ARMC8: variants seen among roughly 807,000 people sequenced by gnomAD.
The protein encoded by ARMC8 is armadillo repeat containing 8.
In ARMC8, 20 loss-of-function variants were observed where a neutral mutation model predicts 99.3. The observed-to-expected ratio is 0.20, with a 90% CI of 0.14 to 0.29. The LOEUF (loss-of-function observed/expected upper bound fraction) is 0.29, where lower values mean the gene tolerates loss of function less well. Ranked by LOEUF, ARMC8 falls within the 10% of genes least tolerant of loss-of-function variation. The probability of loss-of-function intolerance (pLI) is 1.00; values close to 1 mark genes in which losing one functional copy is unlikely to be tolerated. For synonymous variants in ARMC8, 263 were observed against 278.3 expected, an observed-to-expected ratio of 0.95 and a Z score of 0.55; for missense variants, 569 against 809.5, an observed-to-expected ratio of 0.70 and a Z score of 3.60.
At chr3:138,188,302 G>T (rs985830461) in intron 1 of ARMC8, 1 of 1,040,662 alleles carries the variant, frequency 9.6e-7, no homozygotes, top group Non-Finnish European at 1.3e-6. Context: ...AACATTGAAG[G>T]GGGGAAAAGG....
chr3:138,241,554 T>C (rs947919078), intron 10 of ARMC8, among the ~76,000 whole-genome samples: 1 of 152,222 alleles, frequency 6.6e-6, no homozygotes, highest in African/African-American at 2.4e-5. Flanking sequence ...TGTATTAATA[T>C]ACTTTGACGT....
At chr3:138,229,583 A>T (rs887057460) in intron 6 of ARMC8, among the ~76,000 whole-genome samples, 1 of 152,136 alleles carries the variant, frequency 6.6e-6, no homozygotes, top group Non-Finnish European at 1.5e-5. Context: ...ATGTGTGATC[A>T]TGACTGTTTC....
In ARMC8 at chr3:138,187,302, C is replaced by T; in HGVS notation, c.-253C>T. ...TTGCGCATGCGGAAACCGCTGCCCGCTTCCACCTCTAACCCAGGCTCAGAG... is the reference window on the plus strand; with the variant it reads ...TTGCGCATGCGGAAACCGCTGCCCGTTTCCACCTCTAACCCAGGCTCAGAG... On this transcript the variant is annotated 5_prime_UTR_variant, in exon 1 of 22. Coordinates refer to ENST00000469044, the MANE Select transcript of ARMC8 (RefSeq NM_001363941.2). 2.3e-6 allele frequency: 1 copy of T among 436,606 alleles called. No homozygotes were observed. Among genetic ancestry groups the T allele is most frequent in the Non-Finnish European group, 4.1e-6 (1 of 245,260 alleles). 27.0% of individuals were successfully genotyped at this position (436,606 alleles called of 1,614,324 possible). A position where few individuals can be genotyped will look rare whatever the true frequency, so the allele number is the denominator to read the frequency against.
chr3:138,197,909 G>A lies in ARMC8; in HGVS notation c.45+10310G>A, dbSNP rs565284536. Among the ~76,000 whole-genome samples the A allele has an allele frequency of 5.9e-5, 9 of 152,290 alleles. No homozygotes were observed. In the South Asian group the frequency reaches 1.9e-3, roughly 32 times the overall value. On this transcript the variant is annotated intron_variant, in intron 1 of 21. Transcript: ENST00000469044. ...TTATGATTTATACCATATTTTAAAA[G>A]GGAAAACATCATAGTACTTGATTAG... is the stretch of plus-strand genomic sequence containing the variant.
At position 138,272,990 on chromosome 3, in the gene ARMC8, A is replaced by G. The variant is rs1306239155; in HGVS notation, c.1503A>G (p.Gln501=). The G allele has an allele frequency of 1.9e-6, 3 of 1,605,236 alleles. No homozygotes were observed. Among genetic ancestry groups the G allele is most frequent in the Non-Finnish European group, 2.6e-6 (3 of 1,176,294 alleles). ...AGAATATGGCATTTCAGGCTGAACA[A>G]AAAATAAAAGCAGATATTTTACGAA... The part of the protein sequence containing the change: ...ALMNMAFQAE[Q]KIKADILRSL... Residue 501 remains glutamine (Q), a synonymous_variant, in exon 17 of 22, where the codon CAA becomes CAG. Coordinates refer to ENST00000469044, the MANE Select transcript of ARMC8 (RefSeq NM_001363941.2).
intron 12 of ARMC8, among the ~76,000 whole-genome samples, chr3:138,257,567 C>T (rs1169255238): frequency 1.3e-5 from 2 of 152,090 alleles, no homozygotes; most frequent in East Asian, 1.9e-4. Context: ...GCCTTCTTAC[C>T]TCATGGCCCT....
chr3:138,288,984 C>CAA, intron 19 of ARMC8, 64 bp from the exon 20 acceptor site: 3 of 1,353,072 alleles, frequency 2.2e-6, no homozygotes, highest in East Asian at 2.5e-5. Context: ...TAGGTCCCCC[C>CAA]AAAAAAAAAT....
intron 21 of ARMC8, among the ~76,000 whole-genome samples, chr3:138,294,630 T>G (rs1252132009): frequency 2.0e-5 from 3 of 152,186 alleles, no homozygotes; most frequent in Non-Finnish European, 4.4e-5. Context: ...GTATGCATAG[T>G]CTACTTGGTA....
intron 15 of ARMC8, among the ~76,000 whole-genome samples, chr3:138,268,229 G>A (rs1429186337): frequency 1.3e-5 from 2 of 151,822 alleles, no homozygotes; most frequent in African/African-American, 4.8e-5. Flanking sequence ...GGCAAAAGAG[G>A]GAGACTCCAT....
intron 16 of ARMC8, among the ~76,000 whole-genome samples, chr3:138,271,798 C>CTTTCTTTTTTTTTTT (rs1018824241): frequency 1.5e-4 from 20 of 136,132 alleles, no homozygotes; most frequent in African/African-American, 5.7e-4. Flanking sequence ...TTTTTTCTTT[C>CTTTCTTTTTTTTTTT]TTTTTTTTTT....
intron 6 of ARMC8, among the ~76,000 whole-genome samples, chr3:138,232,886 G>A (rs1166180397): frequency 6.6e-6 from 1 of 152,204 alleles, no homozygotes; most frequent in Non-Finnish European, 1.5e-5. Context: ...GGCTGAGGCA[G>A]CACCCTGCCT....
intron 1 of ARMC8, among the ~76,000 whole-genome samples, chr3:138,207,235 A>T (rs1461937924): frequency 6.6e-6 from 1 of 152,210 alleles, no homozygotes; most frequent in African/African-American, 2.4e-5. Context: ...CTGGTTTACA[A>T]ATGTCCTCCT....
At chr3:138,266,726 G>T (rs1047858344) in intron 14 of ARMC8, among the ~76,000 whole-genome samples, 1 of 152,088 alleles carries the variant, frequency 6.6e-6, no homozygotes, top group African/African-American at 2.4e-5. Context: ...TGCTTGATTC[G>T]TCAGTGCTCC....
At chr3:138,279,693 T>C (rs1390562988) in intron 18 of ARMC8, among the ~76,000 whole-genome samples, 1 of 152,216 alleles carries the variant, frequency 6.6e-6, no homozygotes, top group Admixed American at 6.5e-5. Context: ...GAAAGGTGTT[T>C]AACTACAAAT....
At position 138,262,710 on chromosome 3, in the gene ARMC8, C is replaced by T. The variant is rs1430202698; in HGVS notation, c.1135-1029C>T. 6.0e-6 allele frequency: 6 copies of T among 1,000,302 alleles called. No individual in the cohort carries two copies. In the Admixed American group the frequency reaches 9.8e-5, roughly 16 times the overall value. The allele number at this position is 1,000,302 out of a possible 1,614,324, so 62.0% of individuals were successfully genotyped here. A position where few individuals can be genotyped will look rare whatever the true frequency, so the allele number is the denominator to read the frequency against. On this transcript the variant is annotated intron_variant, in intron 12 of 21. Coordinates refer to ENST00000469044, the MANE Select transcript of ARMC8 (RefSeq NM_001363941.2). ...AAAAAAAAAATCTCCCCAGGTAATTCTTCTGCAAGGACAACCAAGGTTAAG... is the reference window on the plus strand; with the variant it reads ...AAAAAAAAAATCTCCCCAGGTAATTTTTCTGCAAGGACAACCAAGGTTAAG...
At chr3:138,225,191 C>T (rs374835814) in intron 5 of ARMC8, among the ~76,000 whole-genome samples, 1 of 150,974 alleles carries the variant, frequency 6.6e-6, no homozygotes. Flanking sequence ...CTGCAACCTC[C>T]GCCTCCTGAG....
intron 8 of ARMC8, 49 bp downstream of exon 8, chr3:138,237,433 T>C: frequency 6.2e-7 from 1 of 1,611,288 alleles, no homozygotes; most frequent in African/African-American, 1.3e-5. Context: ...TGATGAACTT[T>C]TTAGATTTAA....
intron 2 of ARMC8, among the ~76,000 whole-genome samples, chr3:138,214,938 GC>G (rs2044926638): frequency 1.3e-5 from 2 of 152,198 alleles, no homozygotes; most frequent in South Asian, 4.2e-4. Context: ...GGATTACTGT[GC>G]CCCGTCTTAA....
chr3:138,230,956 T>G (rs1340381922), intron 6 of ARMC8, among the ~76,000 whole-genome samples: 1 of 152,176 alleles, frequency 6.6e-6, no homozygotes, highest in Non-Finnish European at 1.5e-5. Flanking sequence ...GGAGAGAAAC[T>G]TAAACTGAGG....
Sources: gnomAD v4.1 joint callset for allele counts (sites outside exome capture counted in the v4.1 genomes callset) on GRCh38, gnomAD v4.1.1 for gene constraint, MANE v1.5 for transcripts, NCBI Gene and HGNC (gene_info 2026-07-23, HGNC 2026-07-21) for gene names.